The following RGS3 variants were observed in gnomAD, a reference collection of about 807,000 sequenced individuals.
RGS3 encodes regulator of G protein signaling 3, also known as regulator of G-protein signalling 3.
A neutral mutation model predicts 132.6 loss-of-function variants in RGS3; 80 were observed. That is an observed-to-expected ratio of 0.60 (90% CI 0.50 to 0.73). The LOEUF (loss-of-function observed/expected upper bound fraction) is 0.73, where lower values mean the gene tolerates loss of function less well. Ranked by LOEUF, RGS3 falls within the 30% of genes least tolerant of loss-of-function variation. The pLI, the probability that RGS3 is intolerant of heterozygous loss-of-function variation, is 0.00. For missense variants in RGS3, 1,382 were observed against 1,530.8 expected, an observed-to-expected ratio of 0.90 and a Z score of 1.62; for synonymous variants, 598 against 620.6, an observed-to-expected ratio of 0.96 and a Z score of 0.54.
chr9:113,452,926 A>ATATATAAATAAAATATATTTATATATC (rs1564437019), intron 1 of RGS3, among the ~76,000 whole-genome samples: 15 of 134,390 alleles, frequency 1.1e-4, no homozygotes, highest in African/African-American at 4.2e-4. Context: ...ATTTATATAT[A>ATATATAAATAAAATATATTTATATATC]ATATATAAAT....
Position 113,591,345 on chromosome 9 carries a change from G to A in RGS3, c.3028G>A (p.Asp1010Asn). ...CTTCTCTCCGCAGATGAGCGGGGCT[G>A]ACACCGTTGGGGATGATGACGAAGC... The change falls in exon 21 of 25, where the codon GAC becomes AAC. Residue 1010 changes from aspartate to asparagine, a missense_variant. Asp to Asn is a conservative substitution (Grantham distance 23, BLOSUM62 1). Coordinates refer to ENST00000350696, the Ensembl canonical transcript of RGS3. The surrounding 1 kb of genome is among the most constrained non-coding windows in gnomAD (Gnocchi z 4.4). 6.2e-7 allele frequency: 1 copy of A among 1,613,678 alleles called. No homozygotes were observed. The highest frequency in any genetic ancestry group is 2.2e-5 in the East Asian group (1 of 44,888).
intron 17 of RGS3, among the ~76,000 whole-genome samples, chr9:113,527,367 C>T (rs1252623369): frequency 6.6e-6 from 1 of 152,222 alleles, no homozygotes; most frequent in African/African-American, 2.4e-5. Context: ...TCTTACTTGG[C>T]ACTAGGATCT....
At chr9:113,487,357 C>T (rs997032039) in intron 7 of RGS3, among the ~76,000 whole-genome samples, 4 of 151,276 alleles carry the variant, frequency 2.6e-5, no homozygotes, top group East Asian at 1.9e-4. Flanking sequence ...ATGATCCACC[C>T]GCCTCGGCCT....
Position 113,472,030 on chromosome 9 carries a change from T to C in RGS3, c.416-7461T>C, listed in dbSNP as rs113239177. Among the ~76,000 whole-genome samples, 38 of 152,286 alleles carry C rather than the reference T, an allele frequency of 2.5e-4. 1 individual carries two copies. The highest frequency in any genetic ancestry group is 8.2e-4 in the African/African-American group (34 of 41,556). On this transcript the variant is annotated intron_variant, in intron 3 of 24. Coordinates refer to ENST00000350696, the Ensembl canonical transcript of RGS3. ...TAACAGCATGTGAAAAAATGCTCAATGTCATTAGTTATCAGGGAAATGCAA... is the reference window on the plus strand; with the variant it reads ...TAACAGCATGTGAAAAAATGCTCAACGTCATTAGTTATCAGGGAAATGCAA...
Position 113,505,537 on chromosome 9 carries a change from A to G in RGS3, c.979+14A>G, listed in dbSNP as rs187981597. On this transcript the variant is annotated intron_variant, in intron 11 of 24. Transcript: ENST00000350696. The stretch of plus-strand genomic sequence containing the variant: ...CCGTGGATTCCGGTAAGTTATTGAC[A>G]GGGGGATGCCAACCCCACTTGCCCA... 1 of 1,610,886 alleles carries G rather than the reference A, an allele frequency of 6.2e-7. No individual in the cohort carries two copies. Among genetic ancestry groups the G allele is most frequent in the Admixed American group, 1.7e-5 (1 of 60,008 alleles).
intron 19 of RGS3, among the ~76,000 whole-genome samples, chr9:113,562,299 A>C (rs1171725719): frequency 6.6e-6 from 1 of 152,090 alleles, no homozygotes; most frequent in Non-Finnish European, 1.5e-5. Context: ...AACATGGTGA[A>C]ACCCCACCTC....
At chr9:113,590,399 T>TCCAC (rs918634699) in intron 20 of RGS3, among the ~76,000 whole-genome samples, 2 of 95,126 alleles carry the variant, frequency 2.1e-5, no homozygotes, top group Non-Finnish European at 3.8e-5. Context: ...TCATCTACCA[T>TCCAC]CCACCCACCC....
chr9:113,493,695 G>T (rs1219186309), intron 7 of RGS3, among the ~76,000 whole-genome samples: 1 of 152,094 alleles, frequency 6.6e-6, no homozygotes, highest in Non-Finnish European at 1.5e-5. Context: ...GGCATAAGTG[G>T]GTGCTTGGCA....
intron 3 of RGS3, among the ~76,000 whole-genome samples, chr9:113,473,272 A>G (rs781566235): frequency 6.6e-6 from 1 of 152,208 alleles, no homozygotes; most frequent in Non-Finnish European, 1.5e-5. Flanking sequence ...TTGTGGACAA[A>G]TTTTAAACCC....
intron 3 of RGS3, among the ~76,000 whole-genome samples, chr9:113,472,773 A>G (rs1311283100): frequency 6.6e-6 from 1 of 152,160 alleles, no homozygotes; most frequent in African/African-American, 2.4e-5. Context: ...GTGGCCGTGC[A>G]CGGTGGCTCA....
At chr9:113,553,455 A>ATAT (rs1685497255) in intron 19 of RGS3, among the ~76,000 whole-genome samples, 1 of 96,808 alleles carries the variant, frequency 1.0e-5, no homozygotes, top group Non-Finnish European at 2.1e-5. Context: ...AAAAAAAAAA[A>ATAT]AAAAATATAT....
At chr9:113,556,789 G>A (rs1343981513) in intron 19 of RGS3, among the ~76,000 whole-genome samples, 1 of 152,208 alleles carries the variant, frequency 6.6e-6, no homozygotes, top group Non-Finnish European at 1.5e-5. Context: ...ACTGAGGCCA[G>A]AGAGGGGCAG....
chr9:113,510,561 G>A (rs1183285257), intron 14 of RGS3, among the ~76,000 whole-genome samples: 1 of 152,228 alleles, frequency 6.6e-6, no homozygotes, highest in Non-Finnish European at 1.5e-5. Context: ...GCTGCCTGGA[G>A]TGGGCCCATG....
intron 4 of RGS3, among the ~76,000 whole-genome samples, chr9:113,482,277 A>G (rs1178684883): frequency 1.3e-5 from 2 of 152,060 alleles, no homozygotes; most frequent in Non-Finnish European, 2.9e-5. Context: ...GCAATTACTT[A>G]TTTGCCAGGC....
intron 19 of RGS3, among the ~76,000 whole-genome samples, chr9:113,577,768 G>C (rs1444622192): frequency 1.3e-5 from 2 of 152,132 alleles, no homozygotes; most frequent in East Asian, 3.8e-4. Context: ...CATTCCACAG[G>C]GCGGCCTTCC....
intron 3 of RGS3, among the ~76,000 whole-genome samples, chr9:113,468,287 G>A (rs992427429): frequency 6.6e-6 from 1 of 152,156 alleles, no homozygotes; most frequent in East Asian, 1.9e-4. Context: ...AGTTGTCCCA[G>A]TACCATTTGT....
chr9:113,538,757 G>A (rs1359425055), intron 19 of RGS3, among the ~76,000 whole-genome samples: 2 of 152,166 alleles, frequency 1.3e-5, no homozygotes, highest in East Asian at 1.9e-4. Context: ...CTCTTCAAAC[G>A]CGTGTTCCAT....
chr9:113,481,445 C>G lies in RGS3; in HGVS notation c.467-1614C>G, dbSNP rs560114514. ...CAGGAACAGTAACCAGGATACTGGGCAGAGTAGACTAGTAGGCGCCTGGGT... is the reference window on the plus strand; with the variant it reads ...CAGGAACAGTAACCAGGATACTGGGGAGAGTAGACTAGTAGGCGCCTGGGT... On this transcript the variant is annotated intron_variant, in intron 4 of 24. Transcript: ENST00000350696. 6.6e-5 allele frequency among the ~76,000 whole-genome samples: 10 copies of G among 152,320 alleles called. No homozygotes were observed. The South Asian group carries it at 2.1e-3, about 32-fold the overall frequency.
At chr9:113,584,092 G>A in exon 20 of RGS3, 1 of 1,614,242 alleles carries the variant, frequency 6.2e-7, no homozygotes, top group Non-Finnish European at 8.5e-7. Context: ...GGGGGAGGAA[G>A]GGGAGGAGGA....
Sources: gnomAD v4.1 joint callset for allele counts (sites outside exome capture counted in the v4.1 genomes callset) on GRCh38, gnomAD v4.1.1 for gene constraint, Gnocchi (gnomAD v3.1) non-coding constraint, MANE v1.5 for transcripts, NCBI Gene and HGNC (gene_info 2026-07-23, HGNC 2026-07-21) for gene names.